The following RTN4 variants were observed in gnomAD, a reference collection of about 807,000 sequenced individuals.
RTN4 encodes reticulon-4.
In RTN4, 32 loss-of-function variants were observed where a neutral mutation model predicts 90.4. The observed-to-expected ratio is 0.35, with a 90% CI of 0.27 to 0.48. RTN4 has a LOEUF of 0.48. Among genes scored for constraint, RTN4 ranks in the 20% least tolerant of loss-of-function variants. RTN4 has a pLI of 0.99. For synonymous variants in RTN4, 629 were observed against 552.5 expected (o/e 1.14, Z -1.94); for missense variants, 1,706 against 1,430.2 (o/e 1.19, Z -3.11).
intron 1 of RTN4, among the ~76,000 whole-genome samples, chr2:55,084,123 T>A (rs973941986): frequency 2.0e-5 from 3 of 152,140 alleles, no homozygotes; most frequent in African/African-American, 7.2e-5. Context: ...TTGTTGATCA[T>A]GTCTACATGA....
At position 54,972,965 on chromosome 2, in the gene RTN4, A is replaced by AGAT; in HGVS notation, c.*188_*190dup. On this transcript the variant is annotated 3_prime_UTR_variant, in exon 9 of 9. Transcript: ENST00000337526. ...CATACATAGCAGCTTACAATACTTA[A>AGAT]GATGATGAACACATGGCAGTCAAGA... 1 of 493,662 alleles carries AGAT rather than the reference A, an allele frequency of 2.0e-6. No individual in the cohort carries two copies. The highest frequency in any genetic ancestry group is 3.7e-6 in the Non-Finnish European group (1 of 273,428). 30.6% of individuals were successfully genotyped at this position (493,662 alleles called of 1,614,324 possible). A position where few individuals can be genotyped will look rare whatever the true frequency, so the allele number is the denominator to read the frequency against.
intron 3 of RTN4, among the ~76,000 whole-genome samples, chr2:55,014,063 G>GA (rs1458185919): frequency 1.3e-5 from 2 of 152,166 alleles, no homozygotes; most frequent in Non-Finnish European, 2.9e-5. Context: ...ACAAAGGTAT[G>GA]AAATTAACAT....
chr2:55,081,077 C>T (rs975456975), intron 1 of RTN4, among the ~76,000 whole-genome samples: 23 of 151,532 alleles, frequency 1.5e-4, no homozygotes, highest in Non-Finnish European at 1.9e-4. Flanking sequence ...TTCATTCTTA[C>T]ATTCTTTCTT....
intron 2 of RTN4, among the ~76,000 whole-genome samples, chr2:55,075,107 G>T (rs909019410): frequency 6.6e-6 from 1 of 152,134 alleles, no homozygotes; most frequent in Non-Finnish European, 1.5e-5. Context: ...GAAATAAAAG[G>T]CATCCAAATT....
Position 55,008,607 on chromosome 2 carries a change from T to C in RTN4, c.3013+16479A>G, listed in dbSNP as rs1680407711. Among the ~76,000 whole-genome samples, 4 of 152,166 alleles carry C rather than the reference T, an allele frequency of 2.6e-5. No individual in the cohort carries two copies. In the South Asian group the frequency reaches 6.2e-4, roughly 24 times the overall value. On this transcript the variant is annotated intron_variant, in intron 3 of 8. Transcript: ENST00000337526. ...AGATATTCAGGAGTAAATTCAATTTTACATTTGAGTACCTAAAAATAATCA... is the reference window on the plus strand; with the variant it reads ...AGATATTCAGGAGTAAATTCAATTTCACATTTGAGTACCTAAAAATAATCA...
At chr2:55,074,109 T>C (rs577832327) in intron 2 of RTN4, among the ~76,000 whole-genome samples, 2 of 152,356 alleles carry the variant, frequency 1.3e-5, no homozygotes, top group African/African-American at 4.8e-5. Context: ...CAGACACCCA[T>C]GTTTGAAGGT....
chr2:55,027,270 A>G lies in RTN4; in HGVS notation c.829T>C (p.Ser277Pro). 1 of 1,613,728 alleles carries G rather than the reference A, an allele frequency of 6.2e-7. No individual in the cohort carries two copies. The highest frequency in any genetic ancestry group is 8.5e-7 in the Non-Finnish European group (1 of 1,179,800). ...ATGAGTAGAGTTTTTGCCTTCTCTG[A>G]GACCTCTTTAGAAGCTTCACTGACA... The part of the protein sequence containing the change: ...ENVSEASKEV[S>P]EKAKTLLIDR... Residue 277 changes from serine (S) to proline (P), a missense_variant, in exon 3 of 9, where the codon TCA becomes CCA. Physicochemically the swap from Ser to Pro is moderately conservative, Grantham distance 74. Coordinates refer to ENST00000337526, the MANE Select transcript of RTN4 (RefSeq NM_020532.5).
At chr2:55,093,404 T>TTATATA (rs3070153) in intron 1 of RTN4, among the ~76,000 whole-genome samples, 63 of 147,276 alleles carry the variant, frequency 4.3e-4, no homozygotes, top group South Asian at 8.4e-4. Flanking sequence ...TTAATTTATT[T>TTATATA]TATATATATA....
In RTN4 at chr2:54,986,776, C is replaced by T. The variant is rs113816096; in HGVS notation, c.3221+715G>A. 9.8e-3 allele frequency among the ~76,000 whole-genome samples: 1,481 copies of T among 151,704 alleles called. 18 individuals carry two copies. The highest frequency in any genetic ancestry group is 0.011 in the African/African-American group (471 of 41,334). The stretch of plus-strand genomic sequence containing the variant: ...AATAAGTAGGAAGTTTCTTTTTGTG[C>T]GATGAAAATAGTGATGGTTGTAGAA... On this transcript the variant is annotated intron_variant, in intron 4 of 8. Transcript: ENST00000337526.
the RTN4 span, among the ~76,000 whole-genome samples, chr2:55,122,550 G>A: frequency 2.0e-5 from 3 of 152,130 alleles, no homozygotes; most frequent in Non-Finnish European, 2.9e-5. Flanking sequence ...TGTAAGTGAC[G>A]TCTGATGAGA....
rs2105036540 is a variant in RTN4, at chr2:55,085,355, C to G, written c.-213-4716G>C. On this transcript the variant is annotated intron_variant, in intron 1 of 3. Coordinates refer to the RTN4 transcript ENST00000427710. Reference sequence around the variant, plus strand: ...TAGAAGGAGAGAGAGGTAGATAAATCTGTTCCAAGGAACTGGCAATTGTGG... The same window carrying G: ...TAGAAGGAGAGAGAGGTAGATAAATGTGTTCCAAGGAACTGGCAATTGTGG... Among the ~76,000 whole-genome samples, 2 of 152,086 alleles carry G rather than the reference C, an allele frequency of 1.3e-5. 1 individual carries two copies. The highest frequency in any genetic ancestry group is 4.1e-4 in the South Asian group (2 of 4,822).
chr2:55,097,365 G>T (rs557803324), intron 1 of RTN4, among the ~76,000 whole-genome samples: 2 of 151,956 alleles, frequency 1.3e-5, no homozygotes, highest in Admixed American at 1.3e-4. Context: ...TCTGGGGTTG[G>T]GGGGAAAGCC....
At chr2:55,103,716 A>G (rs1396352304) in intron 1 of RTN4, among the ~76,000 whole-genome samples, 1 of 152,006 alleles carries the variant, frequency 6.6e-6, no homozygotes, top group Non-Finnish European at 1.5e-5. Context: ...TGTTGTTGAA[A>G]CGGAGTCTCG....
At chr2:55,048,902 C>G (rs987042047) in intron 1 of RTN4, among the ~76,000 whole-genome samples, 1 of 152,078 alleles carries the variant, frequency 6.6e-6, no homozygotes, top group Admixed American at 6.6e-5. Flanking sequence ...TTATGATGCA[C>G]TAAGAGGCTG....
intron 1 of RTN4, among the ~76,000 whole-genome samples, chr2:55,039,872 T>C (rs1682953679): frequency 6.6e-6 from 1 of 152,206 alleles, no homozygotes; most frequent in Non-Finnish European, 1.5e-5. Flanking sequence ...TACCCTCAAC[T>C]CTTTTAGTAT....
intron 1 of RTN4, among the ~76,000 whole-genome samples, chr2:55,038,693 T>G (rs1573450759): frequency 2.6e-5 from 4 of 152,332 alleles, no homozygotes; most frequent in Admixed American, 2.6e-4. Context: ...GGGGAACAGT[T>G]AAGCAACTTC....
chr2:55,051,908 G>A (rs113121261), upstream of RTN4, among the ~76,000 whole-genome samples: 1 of 150,550 alleles, frequency 6.6e-6, no homozygotes, highest in Non-Finnish European at 1.5e-5. Context: ...ATACATAATG[G>A]CTCACATTAT....
chr2:55,021,765 T>A (rs950436002), intron 3 of RTN4, among the ~76,000 whole-genome samples: 2 of 152,190 alleles, frequency 1.3e-5, no homozygotes, highest in African/African-American at 2.4e-5. Context: ...GTCAGTGGTA[T>A]AGCCAAGACT....
intron 3 of RTN4, among the ~76,000 whole-genome samples, chr2:55,011,416 T>A (rs925324034): frequency 3.3e-5 from 5 of 152,216 alleles, no homozygotes; most frequent in Non-Finnish European, 7.3e-5. Context: ...TTCATTCCAA[T>A]GCAGTGTCTC....
Sources: allele counts gnomAD v4.1 joint callset (sites outside exome capture counted in the v4.1 genomes callset), GRCh38; gene constraint gnomAD v4.1.1; transcripts MANE v1.5; gene names NCBI Gene and HGNC (gene_info 2026-07-23, HGNC 2026-07-21).